NDUFAF6: variants seen among roughly 807,000 people sequenced by gnomAD.
NDUFAF6 encodes NADH dehydrogenase (ubiquinone) complex I, assembly factor 6.
In NDUFAF6, 45 loss-of-function variants were observed where a neutral mutation model predicts 40.8. The observed-to-expected ratio is 1.10, with a 90% CI of 0.87 to 1.42. The LOEUF (loss-of-function observed/expected upper bound fraction) is 1.42. Among genes scored for constraint, NDUFAF6 ranks in the 40% most tolerant of loss-of-function variants. NDUFAF6 has a pLI of 0.00. For synonymous variants in NDUFAF6, 185 were observed against 155.9 expected (o/e 1.19, Z -1.39); for missense variants, 435 against 418.5 (o/e 1.04, Z -0.34).
chr8:94,912,553 TTGGGA>T (rs1818848885), intron 1 of NDUFAF6, among the ~76,000 whole-genome samples: 1 of 151,992 alleles, frequency 6.6e-6, no homozygotes, highest in African/African-American at 2.4e-5. Context: ...TCCCAGCACT[TTGGGA>T]GGCCAAGGTT....
chr8:95,080,436 GT>G (rs1290095087), downstream of NDUFAF6, among the ~76,000 whole-genome samples: 1 of 127,730 alleles, frequency 7.8e-6, no homozygotes, highest in African/African-American at 2.9e-5. Context: ...TTTTTGTAGT[GT>G]ATTTTTGTAG....
chr8:94,955,746 C>CTTTTTTTTT (rs1372648431), upstream of NDUFAF6, among the ~76,000 whole-genome samples: 5 of 152,198 alleles, frequency 3.3e-5, no homozygotes, highest in East Asian at 9.6e-4. Flanking sequence ...AGCAAAATAT[C>CTTTTTTTTT]TTCATCTTCT....
Position 94,982,343 on chromosome 8 carries a change from G to A in NDUFAF6, c.-84+1370G>A, listed in dbSNP as rs1825516635. On this transcript the variant is annotated intron_variant, in intron 2 of 9. Transcript: ENST00000396111. ...GTACAGTAACATGCTGTGCAGGTTT[G>A]TAGCCTAGGAGCAATAGGCTATCCC... Among the ~76,000 whole-genome samples the A allele has an allele frequency of 2.0e-5, 3 of 152,170 alleles. 1 individual carries two copies. In the South Asian group the frequency reaches 6.2e-4, roughly 31 times the overall value.
chr8:95,047,038 A>G lies in NDUFAF6; in HGVS notation c.625A>G (p.Lys209Glu). The part of the protein sequence containing the change: ...HADHAASHIG[K>E]AQGIVTCLRA... Reference sequence around the variant, plus strand: ...AGATCATGCTGCAAGTCATATTGGAAAAGCACAAGGCATTGTCACTTGCTT... The same window carrying G: ...AGATCATGCTGCAAGTCATATTGGAGAAGCACAAGGCATTGTCACTTGCTT... Residue 209 changes from lysine to glutamate, a missense_variant, in exon 6 of 9, where the codon AAA (lysine) becomes GAA (glutamate). Lys to Glu is a moderately conservative substitution (Grantham distance 56). Transcript: ENST00000396124. 1 of 1,614,182 alleles carries G rather than the reference A, an allele frequency of 6.2e-7. No individual in the cohort carries two copies.
At chr8:95,099,964 C>T (rs375071921), upstream of NDUFAF6, among the ~76,000 whole-genome samples, 16 of 152,152 alleles carry the variant, frequency 1.1e-4, no homozygotes, top group South Asian at 2.1e-4. Context: ...GGAGAACATG[C>T]GCAGGTGTGT....
In NDUFAF6 at chr8:95,025,085, C is replaced by T. The variant is rs1827925434; in HGVS notation, c.77C>T (p.Pro26Leu). ...CCCGGCCTGTGCTGCCGCCGGCCGCCTCTGGGTCTGTACGCGCGCATGCGG... is the reference window on the plus strand; with the variant it reads ...CCCGGCCTGTGCTGCCGCCGGCCGCTTCTGGGTCTGTACGCGCGCATGCGG... ...GIPGLCCRRP[P>L]LGLYARMRRL... The change falls in exon 1 of 9, where the codon CCT becomes CTT. Residue 26 changes from proline to leucine, a missense_variant. Coordinates refer to ENST00000396124, the MANE Select transcript of NDUFAF6 (RefSeq NM_152416.4). The T allele has an allele frequency of 5.4e-6, 8 of 1,474,130 alleles. No homozygotes were observed. The highest frequency in any genetic ancestry group is 2.9e-5 in the East Asian group (1 of 34,518). 91.3% of individuals were successfully genotyped at this position (1,474,130 alleles called of 1,614,324 possible). A position where few individuals can be genotyped will look rare whatever the true frequency, so the allele number is the denominator to read the frequency against.
At chr8:94,968,033 A>G (rs1824159497) in intron 1 of NDUFAF6, among the ~76,000 whole-genome samples, 1 of 151,776 alleles carries the variant, frequency 6.6e-6, no homozygotes, top group African/African-American at 2.4e-5. Context: ...CTCACATGGT[A>G]GTTGGCAGGC....
intron 8 of NDUFAF6, among the ~76,000 whole-genome samples, chr8:95,053,952 T>TTTTTA (rs1554681590): frequency 1.5e-5 from 2 of 136,910 alleles, no homozygotes; most frequent in Non-Finnish European, 3.1e-5. Context: ...TTTTTTTTTT[T>TTTTTA]GAGACAAAAT....
At chr8:95,055,455 T>A (rs1379373374) in intron 8 of NDUFAF6, 1 of 152,192 alleles carries the variant, frequency 6.6e-6, no homozygotes, top group Non-Finnish European at 1.5e-5. Flanking sequence ...TTTTGAATCA[T>A]TAAAAAAAGT....
At chr8:95,055,767 A>G (rs947439696) in intron 8 of NDUFAF6, among the ~76,000 whole-genome samples, 1 of 152,208 alleles carries the variant, frequency 6.6e-6, no homozygotes, top group African/African-American at 2.4e-5. Flanking sequence ...TTCTCTTTTA[A>G]ACTTGTTAAT....
chr8:94,921,854 G>A (rs1235235776), intron 1 of NDUFAF6, among the ~76,000 whole-genome samples: 1 of 152,180 alleles, frequency 6.6e-6, no homozygotes, highest in Non-Finnish European at 1.5e-5. Context: ...GGCCAGCAGT[G>A]GTTTAGGGCA....
At chr8:95,105,651 G>A (rs961268296), downstream of NDUFAF6, among the ~76,000 whole-genome samples, 10 of 152,050 alleles carry the variant, frequency 6.6e-5, no homozygotes, top group Admixed American at 2.0e-4. Flanking sequence ...ACAGACATGC[G>A]CCACCATGTT....
chr8:95,045,562 C>G lies in NDUFAF6; in HGVS notation c.495C>G (p.Asp165Glu). 1 of 1,612,986 alleles carries G rather than the reference C, an allele frequency of 6.2e-7. No homozygotes were observed. Among genetic ancestry groups the G allele is most frequent in the Non-Finnish European group, 8.5e-7 (1 of 1,179,298 alleles). ...IVDEREKNLD[D>E]KAYRNIKELE... ...TGATGTAGGAAAAAAATCTGGATGA[C>G]AAAGCATATCGTAATATCAAGGAAC... The change falls in exon 5 of 9, where the codon GAC becomes GAG. Residue 165 changes from aspartate (D) to glutamate (E), a missense_variant. By Grantham distance (45) the Asp-to-Glu change is conservative (BLOSUM62 2). Transcript: ENST00000396124.
At chr8:94,961,533 T>G (rs1171302417) in intron 1 of NDUFAF6, among the ~76,000 whole-genome samples, 1 of 152,218 alleles carries the variant, frequency 6.6e-6, no homozygotes, top group Non-Finnish European at 1.5e-5. Context: ...GCGATTTTCC[T>G]GCCTCAGCCT....
chr8:94,979,332 G>A (rs6471504), intron 1 of NDUFAF6, among the ~76,000 whole-genome samples: 44,613 of 152,094 alleles, frequency 0.29, 8,278 homozygotes, highest in East Asian at 0.63. Flanking sequence ...AGGACCTGGG[G>A]CTTCTTGACT....
upstream of NDUFAF6, among the ~76,000 whole-genome samples, chr8:94,957,113 A>G (rs1191927839): frequency 6.6e-6 from 1 of 152,190 alleles, no homozygotes; most frequent in East Asian, 1.9e-4. Context: ...CGGGGGTTGC[A>G]GTGAGCTAAG....
intron 1 of NDUFAF6, among the ~76,000 whole-genome samples, chr8:94,959,548 T>TTG (rs1823386476): frequency 1.2e-5 from 1 of 84,990 alleles, no homozygotes; most frequent in Admixed American, 1.3e-4. Flanking sequence ...TGTTTTTTTT[T>TTG]TAGAGACAGT....
intron 9 of NDUFAF6, chr8:95,067,269 G>A (rs2132025268): frequency 6.6e-6 from 1 of 152,220 alleles, no homozygotes; most frequent in South Asian, 2.1e-4. Context: ...CCTAGACAGA[G>A]ACACAGCTCA....
chr8:95,113,809 G>A (rs1170925719), intron 4 of NDUFAF6, among the ~76,000 whole-genome samples: 1 of 152,122 alleles, frequency 6.6e-6, no homozygotes, highest in Non-Finnish European at 1.5e-5. Context: ...TGGCACGACT[G>A]CACTCCAGCC....
Sources: gnomAD v4.1 joint callset for allele counts (sites outside exome capture counted in the v4.1 genomes callset) on GRCh38, gnomAD v4.1.1 for gene constraint, MANE v1.5 for transcripts, NCBI Gene and HGNC (gene_info 2026-07-23, HGNC 2026-07-21) for gene names.